TRIM24: variants seen among roughly 807,000 people sequenced by gnomAD.
TRIM24 encodes the protein transcription intermediary factor 1-alpha.
A neutral mutation model predicts 123.9 loss-of-function variants in TRIM24; 29 were observed. The observed-to-expected ratio is 0.23, with a 90% confidence interval of 0.17 to 0.32. The LOEUF (loss-of-function observed/expected upper bound fraction) is 0.32. Among genes scored for constraint, TRIM24 ranks in the 10% least tolerant of loss-of-function variants. TRIM24 has a pLI of 1.00. For synonymous variants in TRIM24, 456 were observed against 461.1 expected (o/e 0.99, Z 0.14); for missense variants, 932 against 1,295.3 (o/e 0.72, Z 4.31).
chr7:138,497,511 C>T (rs1042393237), intron 1 of TRIM24, among the ~76,000 whole-genome samples: 2 of 150,754 alleles, frequency 1.3e-5, no homozygotes, highest in Non-Finnish European at 2.9e-5. Context: ...ATCTCCCTGC[C>T]TCAGCCTCCC....
intron 10 of TRIM24, among the ~76,000 whole-genome samples, chr7:138,568,088 C>T (rs555041199): frequency 8.5e-5 from 13 of 152,118 alleles, no homozygotes; most frequent in African/African-American, 2.9e-4. Context: ...ATATTTAATT[C>T]ATATTTAATA....
At chr7:138,511,986 G>GTAA (rs1796297330) in intron 2 of TRIM24, among the ~76,000 whole-genome samples, 1 of 152,192 alleles carries the variant, frequency 6.6e-6, no homozygotes, top group Admixed American at 6.5e-5. Flanking sequence ...CAGGCATTGG[G>GTAA]TAAATACTCC....
chr7:138,563,416 C>T (rs1019135118), intron 9 of TRIM24, among the ~76,000 whole-genome samples: 1 of 152,178 alleles, frequency 6.6e-6, no homozygotes, highest in African/African-American at 2.4e-5. Context: ...TGGTTTGGCC[C>T]CATCTCCGTC....
intron 11 of TRIM24, among the ~76,000 whole-genome samples, chr7:138,571,280 G>A (rs1797650415): frequency 6.6e-6 from 1 of 152,204 alleles, no homozygotes; most frequent in South Asian, 2.1e-4. Flanking sequence ...GCCTAACAGA[G>A]CGAGACCCTG....
intron 1 of TRIM24, among the ~76,000 whole-genome samples, chr7:138,467,381 TA>T (rs1377597150): frequency 2.0e-5 from 3 of 152,144 alleles, no homozygotes; most frequent in African/African-American, 7.2e-5. Context: ...CTTGCTCTGT[TA>T]CCAGGCTGGA....
intron 1 of TRIM24, among the ~76,000 whole-genome samples, chr7:138,471,837 G>A (rs1299541632): frequency 3.9e-5 from 6 of 152,050 alleles, no homozygotes; most frequent in East Asian, 3.8e-4. Context: ...CACCGCACCC[G>A]GCCTGGTATA....
chr7:138,515,858 A>G (rs1323518745), intron 3 of TRIM24, among the ~76,000 whole-genome samples: 1 of 152,122 alleles, frequency 6.6e-6, no homozygotes, highest in African/African-American at 2.4e-5. Flanking sequence ...ATTTTGGTAA[A>G]ATACATGCAA....
Position 138,537,929 on chromosome 7 carries a change from T to A in TRIM24, c.997-728T>A, listed in dbSNP as rs1476085871. 3.9e-5 allele frequency among the ~76,000 whole-genome samples: 6 copies of A among 152,348 alleles called. No individual in the cohort carries two copies. The East Asian group carries it at 1.2e-3, about 29-fold the overall frequency. On this transcript the variant is annotated intron_variant, in intron 6 of 18. Coordinates refer to ENST00000343526, the MANE Select transcript of TRIM24 (RefSeq NM_015905.3). ...TCCTGTTTTCCTCCTTTTTCCTTGC[T>A]AGGTCTAGGATGAGGTTTTTGGTTA...
rs1415292862 is a variant in TRIM24 at position 138,519,288 on chromosome 7, G to C, written c.731G>C (p.Arg244Pro). Residue 244 changes from arginine (R) to proline (P), a missense_variant, in exon 4 of 19, where the codon CGA (arginine) becomes CCA (proline). Transcript: ENST00000343526. ...GAGACATGTGACAAACTGACATGTC[G>C]AGACTGTCAGTTGTTAGAACATAAA... Reference protein sequence around the residue: ...YCETCDKLTCRDCQLLEHKEH... With the variant: ...YCETCDKLTCPDCQLLEHKEH... 1 of 1,613,150 alleles carries C rather than the reference G, an allele frequency of 6.2e-7. No individual in the cohort carries two copies. Among genetic ancestry groups the C allele is most frequent in the South Asian group, 1.1e-5 (1 of 90,832 alleles).
rs1794931788 is a variant in TRIM24 at position 138,460,438 on chromosome 7, C to G, written c.-111C>G. The stretch of plus-strand genomic sequence containing the variant: ...TTTCCCTCCCTCGCTGGCGCTGCCG[C>G]GAGTCCACCGAGCGGCCTCTGAGGA... On this transcript the variant is annotated 5_prime_UTR_variant, in exon 1 of 19. Coordinates refer to ENST00000343526, the MANE Select transcript of TRIM24 (RefSeq NM_015905.3). 7 of 1,141,880 alleles carry G rather than the reference C, an allele frequency of 6.1e-6. No individual in the cohort carries two copies. The highest frequency in any genetic ancestry group is 7.7e-6 in the Non-Finnish European group (7 of 903,584). The allele number at this position is 1,141,880 out of a possible 1,614,324, so 70.7% of individuals were successfully genotyped here.
intron 1 of TRIM24, among the ~76,000 whole-genome samples, chr7:138,481,545 G>A (rs1039516498): frequency 2.6e-5 from 4 of 152,114 alleles, no homozygotes; most frequent in African/African-American, 4.8e-5. Flanking sequence ...GCTGGGCGCT[G>A]TAGCTCACAC....
chr7:138,536,693 T>C (rs1796881910), intron 6 of TRIM24, among the ~76,000 whole-genome samples: 1 of 152,212 alleles, frequency 6.6e-6, no homozygotes, highest in Non-Finnish European at 1.5e-5. Context: ...GTCTGTCCGT[T>C]CTGAGATCTC....
At chr7:138,463,901 C>T (rs535535635) in intron 1 of TRIM24, among the ~76,000 whole-genome samples, 9 of 151,230 alleles carry the variant, frequency 6.0e-5, no homozygotes, top group African/African-American at 2.2e-4. Flanking sequence ...ATTAAAAATG[C>T]TATCCTGAGT....
chr7:138,497,249 G>A lies in TRIM24; in HGVS notation c.365-7041G>A, dbSNP rs914932429. Reference sequence around the variant, plus strand: ...GGTTGGTTTGGTTTGGATCTTTTTTGTAGAGAAGGAGTTTCACCTTGTTCC... The same window carrying A: ...GGTTGGTTTGGTTTGGATCTTTTTTATAGAGAAGGAGTTTCACCTTGTTCC... On this transcript the variant is annotated intron_variant, in intron 1 of 18. Coordinates refer to ENST00000343526, the MANE Select transcript of TRIM24 (RefSeq NM_015905.3). Among the ~76,000 whole-genome samples, 8 of 152,118 alleles carry A rather than the reference G, an allele frequency of 5.3e-5. 1 individual carries two copies. The highest frequency in any genetic ancestry group is 6.8e-3 in the Middle Eastern group (2 of 292).
At chr7:138,584,629 CTAT>C in intron 18 of TRIM24, 110 bp from the exon 19 acceptor site, 1 of 819,330 alleles carries the variant, frequency 1.2e-6, no homozygotes, top group Non-Finnish European at 1.9e-6. Context: ...TAGTCCTAAA[CTAT>C]TATTTCAATG....
At chr7:138,501,761 G>C (rs528768797) in intron 1 of TRIM24, among the ~76,000 whole-genome samples, 12 of 151,876 alleles carry the variant, frequency 7.9e-5, no homozygotes, top group African/African-American at 2.9e-4. Context: ...GTGGCACGTT[G>C]CCTGTAGTCC....
chr7:138,467,191 A>G (rs1795161620), intron 1 of TRIM24, among the ~76,000 whole-genome samples: 1 of 152,176 alleles, frequency 6.6e-6, no homozygotes, highest in Non-Finnish European at 1.5e-5. Flanking sequence ...TTCTTTTTCA[A>G]AATTCTTATG....
At chr7:138,536,832 G>T (rs749864163) in intron 6 of TRIM24, among the ~76,000 whole-genome samples, 2 of 152,190 alleles carry the variant, frequency 1.3e-5, no homozygotes, top group Non-Finnish European at 2.9e-5. Flanking sequence ...GCAGAGGCAC[G>T]CAGGCCTCCT....
At chr7:138,461,081 C>G in intron 1 of TRIM24, 169 bp downstream of exon 1, 1 of 802,792 alleles carries the variant, frequency 1.2e-6, no homozygotes, top group Non-Finnish European at 2.1e-6. Flanking sequence ...GGCCCGCGCT[C>G]TGCGGCGTGT....
Sources: allele counts gnomAD v4.1 joint callset (sites outside exome capture counted in the v4.1 genomes callset), GRCh38; gene constraint gnomAD v4.1.1; transcripts MANE v1.5; gene names NCBI Gene and HGNC (gene_info 2026-07-23, HGNC 2026-07-21).